REPS2: variants seen among roughly 807,000 people sequenced by gnomAD.
REPS2 encodes RALBP1 associated Eps domain containing 2.
A neutral mutation model predicts 53.6 loss-of-function variants in REPS2; 23 were observed. The observed-to-expected ratio is 0.43, with a 90% CI of 0.31 to 0.61. The LOEUF is 0.61. Among genes scored for constraint, REPS2 ranks in the 20% least tolerant of loss-of-function variants. The pLI is 0.11. For missense variants in REPS2, 446 were observed against 534.9 expected, an observed-to-expected ratio of 0.83 and a Z score of 1.64; for synonymous variants, 238 against 218.6, an observed-to-expected ratio of 1.09 and a Z score of -0.78.
chrX:16,999,920 G>T (rs907285057), intron 1 of REPS2, among the ~76,000 whole-genome samples: 5 of 102,638 alleles, frequency 4.9e-5, no homozygotes, highest in Non-Finnish European at 1.0e-4. Context: ...AGTGGCGGGC[G>T]CCTGTAGTCC....
chrX:17,193,270 G>C, the REPS2 span, among the ~76,000 whole-genome samples: 1 of 112,183 alleles, frequency 8.9e-6, no homozygotes, highest in Non-Finnish European at 1.9e-5. Flanking sequence ...TATTGTCAAT[G>C]TTCTTAGTTT....
At chrX:17,183,018 C>A in the REPS2 span, among the ~76,000 whole-genome samples, 6 of 105,286 alleles carry the variant, frequency 5.7e-5, no homozygotes, top group African/African-American at 2.1e-4. Flanking sequence ...AAATTAACTT[C>A]TAAAAAAAAT....
At chrX:17,147,148 A>G (rs1336583516) in intron 17 of REPS2, among the ~76,000 whole-genome samples, 1 of 111,715 alleles carries the variant, frequency 9.0e-6, no homozygotes, top group Non-Finnish European at 1.9e-5. Context: ...AACAGGCTAA[A>G]ACTAGGGCAG....
intron 1 of REPS2, among the ~76,000 whole-genome samples, chrX:16,982,213 C>T (rs937749366): frequency 2.7e-5 from 3 of 111,976 alleles, no homozygotes; most frequent in African/African-American, 9.7e-5. Flanking sequence ...TTTATCCATT[C>T]ATCTGTTGAT....
chrX:17,144,740 C>T (rs1237873747), intron 17 of REPS2, among the ~76,000 whole-genome samples: 4 of 112,128 alleles, frequency 3.6e-5, no homozygotes, highest in African/African-American at 1.3e-4. Flanking sequence ...AATCTTTCTC[C>T]TAGCCTTTCC....
chrX:17,133,838 G>A lies in REPS2; in HGVS notation c.1593G>A (p.Ser531=), dbSNP rs762280673. The change falls in exon 15 of 18, where the codon TCG becomes TCA. Residue 531 remains serine, a synonymous_variant. Transcript: ENST00000357277. ...RPCPSQSEQV[S]EAELLPQLSR... The stretch of plus-strand genomic sequence containing the variant: ...TCTTGCTACAGTCTGAACAAGTGTC[G>A]GAGGCCGAGTTACTCCCACAGCTGA... The A allele has an allele frequency of 9.9e-6, 12 of 1,208,410 alleles. No homozygotes were observed. The South Asian group carries it at 1.6e-4, about 16-fold the overall frequency.
chrX:17,057,956 C>G (rs767192222), intron 8 of REPS2, among the ~76,000 whole-genome samples: 15 of 112,096 alleles, frequency 1.3e-4, no homozygotes, highest in African/African-American at 4.9e-4. Context: ...ATACCTTCGC[C>G]GTGTCCTCTT....
At chrX:17,175,094 T>C in the REPS2 span, among the ~76,000 whole-genome samples, 2 of 112,847 alleles carry the variant, frequency 1.8e-5, no homozygotes, top group Non-Finnish European at 3.7e-5. Context: ...GGCCCCAGCA[T>C]GACAGAGAAG....
chrX:17,186,676 G>T, the REPS2 span, among the ~76,000 whole-genome samples: 1 of 112,008 alleles, frequency 8.9e-6, no homozygotes, highest in Non-Finnish European at 1.9e-5. Context: ...TAAAGTTATT[G>T]TGTCCGTTTC....
At chrX:16,998,858 C>G (rs2061264522) in intron 1 of REPS2, among the ~76,000 whole-genome samples, 1 of 112,430 alleles carries the variant, frequency 8.9e-6, no homozygotes, top group Admixed American at 9.4e-5. Context: ...AGTAGAAGCT[C>G]TGAGCAGAGC....
chrX:17,050,197 T>TCTTC (rs773752476), intron 6 of REPS2, among the ~76,000 whole-genome samples: 20 of 46,163 alleles, frequency 4.3e-4, no homozygotes, highest in Non-Finnish European at 6.4e-4. Context: ...TTTCTTTCTT[T>TCTTC]TTTTTTTTTT....
chrX:16,946,700 A>C lies in REPS2; in HGVS notation c.-162A>C, dbSNP rs2060430112. On this transcript the variant is annotated 5_prime_UTR_variant, in exon 1 of 18. Coordinates refer to ENST00000357277, the MANE Select transcript of REPS2 (RefSeq NM_004726.3). Reference sequence around the variant, plus strand: ...GTGGGGCCGGCGCGCGCCGGGAGGAAGCGGCCGCGCGGCAGCTGCGGGGCG... The same window carrying C: ...GTGGGGCCGGCGCGCGCCGGGAGGACGCGGCCGCGCGGCAGCTGCGGGGCG... 27 of 493,364 alleles carry C rather than the reference A, an allele frequency of 5.5e-5. No individual in the cohort carries two copies. The highest frequency in any genetic ancestry group is 4.9e-4 in the Admixed American group (5 of 10,191). 40.7% of individuals were successfully genotyped at this position (493,364 alleles called of 1,213,427 possible). A position where few individuals can be genotyped will look rare whatever the true frequency, so the allele number is the denominator to read the frequency against.
chrX:17,045,887 C>T (rs994316102), intron 5 of REPS2, among the ~76,000 whole-genome samples: 12 of 110,984 alleles, frequency 1.1e-4, no homozygotes, highest in Admixed American at 7.7e-4. Context: ...TTCTAGTCTC[C>T]TTTCTCTGAA....
chrX:16,977,539 C>T (rs1196483589), intron 1 of REPS2, among the ~76,000 whole-genome samples: 2 of 108,799 alleles, frequency 1.8e-5, no homozygotes, highest in Non-Finnish European at 3.8e-5. Flanking sequence ...ATAGGAAGAC[C>T]CCCATCTCTA....
At chrX:17,083,079 T>C (rs900150071) in intron 13 of REPS2, among the ~76,000 whole-genome samples, 12 of 89,339 alleles carry the variant, frequency 1.3e-4, no homozygotes, top group Non-Finnish European at 2.6e-4. Flanking sequence ...TCCGAGCACT[T>C]TTTTTTTTTT....
At chrX:17,133,773 T>C (rs2063325240) in intron 14 of REPS2, 51 bp from the exon 15 acceptor site, 10 of 1,008,185 alleles carry the variant, frequency 9.9e-6, no homozygotes, top group Non-Finnish European at 1.4e-5. Flanking sequence ...ATTGTATATT[T>C]AGGTGATTGT....
chrX:16,957,947 G>C (rs938707829), intron 1 of REPS2, among the ~76,000 whole-genome samples: 1 of 111,189 alleles, frequency 9.0e-6, no homozygotes, highest in African/African-American at 3.3e-5. Flanking sequence ...ATGTCTCCTC[G>C]GGGCAAAATT....
At chrX:17,031,617 A>G (rs948989451) in intron 5 of REPS2, among the ~76,000 whole-genome samples, 2 of 112,048 alleles carry the variant, frequency 1.8e-5, no homozygotes, top group Admixed American at 1.9e-4. Context: ...ATGGGATATC[A>G]GTAGGAATTA....
In REPS2 at chrX:17,146,957, C is replaced by T. The variant is rs1182684489; in HGVS notation, c.1915-456C>T. Reference sequence around the variant, plus strand: ...GAGACTTTGGTGGAGGGGCAACTAGCGTACCTTTTTGGCCCTCAGACCTAA... The same window carrying T: ...GAGACTTTGGTGGAGGGGCAACTAGTGTACCTTTTTGGCCCTCAGACCTAA... On this transcript the variant is annotated intron_variant, in intron 17 of 17. Coordinates refer to ENST00000357277, the MANE Select transcript of REPS2 (RefSeq NM_004726.3). 2.7e-5 allele frequency among the ~76,000 whole-genome samples: 3 copies of T among 112,130 alleles called. No individual in the cohort carries two copies. In the East Asian group the frequency reaches 8.4e-4, roughly 31 times the overall value.
Sources: allele counts gnomAD v4.1 joint callset (sites outside exome capture counted in the v4.1 genomes callset), GRCh38; gene constraint gnomAD v4.1.1; transcripts MANE v1.5; gene names NCBI Gene and HGNC (gene_info 2026-07-23, HGNC 2026-07-21).